The following ASPM variants were observed in gnomAD, a reference collection of about 807,000 sequenced individuals.
ASPM encodes assembly factor for spindle microtubules.
Under a neutral mutation model 366.4 loss-of-function variants are expected in ASPM, and 256 were observed. That is an observed-to-expected ratio of 0.70 (90% CI 0.63 to 0.77). ASPM has a LOEUF of 0.77. Among genes scored for constraint, ASPM ranks in the 30% least tolerant of loss-of-function variants. The pLI, the probability that ASPM is intolerant of heterozygous loss-of-function variation, is 0.00. For missense variants in ASPM, 4,146 were observed against 4,090.4 expected, an observed-to-expected ratio of 1.01 and a Z score of -0.37; for synonymous variants, 1,414 against 1,342.9, an observed-to-expected ratio of 1.05 and a Z score of -1.16.
intron 26 of ASPM, among the ~76,000 whole-genome samples, chr1:197,087,809 A>C (rs1414101637): frequency 1.3e-5 from 2 of 152,090 alleles, no homozygotes; most frequent in Non-Finnish European, 2.9e-5. Context: ...CCCTTGCTTT[A>C]CCCTGCAGCG....
Position 197,102,693 on chromosome 1 carries a change from A to G in ASPM, c.6558T>C (p.Leu2186=). ...SFRGVRVRRT[L]RKMQTAATLI... is the part of the protein sequence containing the mutation. Reference sequence around the variant, plus strand: ...GTGTTGCTGCAGTCTGCATCTTTCTAAGAGTCCGTCTAACTCTTACTCCTC... The same window carrying G: ...GTGTTGCTGCAGTCTGCATCTTTCTGAGAGTCCGTCTAACTCTTACTCCTC... The change falls in exon 18 of 28, where the codon CTT becomes CTC. Residue 2186 remains leucine (L), a synonymous_variant. Coordinates refer to ENST00000367409, the MANE Select transcript of ASPM (RefSeq NM_018136.5). The G allele has an allele frequency of 6.2e-7, 1 of 1,612,674 alleles. No homozygotes were observed. Among genetic ancestry groups the G allele is most frequent in the Non-Finnish European group, 8.5e-7 (1 of 1,179,300 alleles).
At chr1:197,096,230 AT>A in intron 18 of ASPM, 66 bp from the exon 19 acceptor site, 2 of 1,356,078 alleles carry the variant, frequency 1.5e-6, no homozygotes, top group Middle Eastern at 2.0e-4. Flanking sequence ...AATAAGACAA[AT>A]CAGTATAAAG....
At chr1:197,122,787 T>C (rs985984185) in intron 13 of ASPM, among the ~76,000 whole-genome samples, 192 bp from the exon 14 acceptor site, 2 of 152,172 alleles carry the variant, frequency 1.3e-5, no homozygotes, top group African/African-American at 4.8e-5. Flanking sequence ...TAGAACTTTA[T>C]GTGAGAGCAT....
At chr1:197,086,656 T>C in intron 27 of ASPM, 147 bp downstream of exon 27, 1 of 751,980 alleles carries the variant, frequency 1.3e-6, no homozygotes, top group Non-Finnish European at 2.3e-6. Flanking sequence ...GACTGCTTCT[T>C]TTAAATTTAC....
chr1:197,112,581 T>A (rs1288196645), intron 17 of ASPM, among the ~76,000 whole-genome samples: 6 of 152,148 alleles, frequency 3.9e-5, no homozygotes, highest in Non-Finnish European at 8.8e-5. Context: ...TCTATTCAGC[T>A]ACCCCTGTGC....
intron 13 of ASPM, among the ~76,000 whole-genome samples, chr1:197,122,798 G>T (rs978635808): frequency 6.6e-6 from 1 of 152,100 alleles, no homozygotes; most frequent in African/African-American, 2.4e-5. Context: ...GTGAGAGCAT[G>T]GCACATCCAA....
intron 17 of ASPM, among the ~76,000 whole-genome samples, chr1:197,109,326 TAAAA>T (rs1234502474): frequency 1.3e-5 from 2 of 152,058 alleles, no homozygotes; most frequent in Non-Finnish European, 2.9e-5. Flanking sequence ...TCAATGCATA[TAAAA>T]AATACATAAC....
chr1:197,100,676 G>A lies in ASPM; in HGVS notation c.8575C>T (p.Gln2859Ter). Residue 2859 changes from glutamine (Q) to a stop codon, truncating the protein, a stop_gained, in exon 18 of 28, where the codon CAG (glutamine) becomes TAG (stop). Coordinates refer to ENST00000367409, the MANE Select transcript of ASPM (RefSeq NM_018136.5). LOFTEE classifies it high-confidence loss of function. ...MAVYRRRFVQ[Q>*]KRAAITLQHY... ...TGTAAAGTGATAGCAGCTCTTTTCT[G>A]CTGAACAAATCTTCTCCGATACACA... 6.2e-7 allele frequency: 1 copy of A among 1,612,276 alleles called. No individual in the cohort carries two copies. Among genetic ancestry groups the A allele is most frequent in the Non-Finnish European group, 8.5e-7 (1 of 1,178,990 alleles).
At chr1:197,123,983 G>T in intron 13 of ASPM, 127 bp downstream of exon 13, 2 of 752,712 alleles carry the variant, frequency 2.7e-6, no homozygotes, top group Non-Finnish European at 4.4e-6. Context: ...TCACTCATTT[G>T]AGGGAAAGTT....
At chr1:197,097,824 T>A (rs1657026349) in intron 18 of ASPM, among the ~76,000 whole-genome samples, 2 of 151,602 alleles carry the variant, frequency 1.3e-5, no homozygotes, top group Non-Finnish European at 1.5e-5. Context: ...TTTTGGTGTT[T>A]TTGTTTTTGT....
At chr1:197,119,713 T>C (rs1005789389) in intron 16 of ASPM, among the ~76,000 whole-genome samples, 1 of 152,078 alleles carries the variant, frequency 6.6e-6, no homozygotes, top group African/African-American at 2.4e-5. Flanking sequence ...AGGGCCAAAT[T>C]CTAGGACTTC....
chr1:197,091,817 C>T (rs2125088841), intron 22 of ASPM, 90 bp downstream of exon 22: 1 of 1,359,864 alleles, frequency 7.4e-7, no homozygotes, highest in East Asian at 2.4e-5. Context: ...ACGACCTTAG[C>T]ATAAAGCATT....
In ASPM at chr1:197,104,642, T is replaced by C; in HGVS notation, c.4609A>G (p.Lys1537Glu). ...TGTAATTGAATGGCTGCAGCTCGTT[T>C]CTGCAAATAGTTGGTGCGCTCAATC... The part of the protein sequence containing the change: ...GKIERTNYLQ[K>E]RAAAIQLQAA... The change falls in exon 18 of 28, where the codon AAA becomes GAA. Residue 1537 changes from lysine (K) to glutamate (E), a missense_variant. This residue lies in a region of ASPM where 3,624 missense variants were observed against 3,591.7 expected (regional missense o/e 1.01). Coordinates refer to ENST00000367409, the MANE Select transcript of ASPM (RefSeq NM_018136.5). 1 of 1,613,126 alleles carries C rather than the reference T, an allele frequency of 6.2e-7. No homozygotes were observed. The highest frequency in any genetic ancestry group is 1.3e-5 in the African/African-American group (1 of 74,974).
At position 197,122,485 on chromosome 1, in the gene ASPM, T is replaced by C. The variant is rs762637790; in HGVS notation, c.3501A>G (p.Gln1167=). ...AACCAGTTTGCGTACATTCCACAGT[T>C]TGAGTAGTACGCTGACATATAGCGT... ...PFDAICQRTT[Q]TVECTQTGSV... The change falls in exon 14 of 28, where the codon CAA becomes CAG. Residue 1167 remains glutamine (Q), a synonymous_variant. Transcript: ENST00000367409. 3.1e-6 allele frequency: 5 copies of C among 1,613,722 alleles called. No individual in the cohort carries two copies. The highest frequency in any genetic ancestry group is 3.4e-6 in the Non-Finnish European group (4 of 1,179,780).
chr1:197,099,515 A>G (rs1657087906), intron 18 of ASPM, among the ~76,000 whole-genome samples: 4 of 151,624 alleles, frequency 2.6e-5, no homozygotes, highest in Admixed American at 1.3e-4. Flanking sequence ...TCACTCTGGG[A>G]AGTCTCTGAC....
chr1:197,138,664 A>G (rs1184629603), intron 4 of ASPM: 1 of 554,888 alleles, frequency 1.8e-6, no homozygotes, highest in Non-Finnish European at 3.2e-6. Context: ...AAGAACTTCA[A>G]TCAGATTTAA....
intron 9 of ASPM, among the ~76,000 whole-genome samples, 177 bp downstream of exon 9, chr1:197,129,010 A>C (rs1006213128): frequency 6.6e-6 from 1 of 152,130 alleles, no homozygotes; most frequent in Non-Finnish European, 1.5e-5. Context: ...AACCAATAAA[A>C]ACGAGGGATG....
In ASPM at chr1:197,103,374, C is replaced by T. The variant is rs757782960; in HGVS notation, c.5877G>A (p.Lys1959=). 1 of 1,613,252 alleles carries T rather than the reference C, an allele frequency of 6.2e-7. No homozygotes were observed. The highest frequency in any genetic ancestry group is 1.7e-5 in the Admixed American group (1 of 59,900). The change falls in exon 18 of 28, where the codon AAG becomes AAA. Residue 1959 remains lysine, a synonymous_variant. Coordinates refer to ENST00000367409, the MANE Select transcript of ASPM (RefSeq NM_018136.5). ...GAAGCTGTCTTCTCAGTGTTTTTCC[C>T]TTCCACATAGATTGAAGCACCAGTA... ...HAVLVLQSMW[K]GKTLRRQLQR...
intron 13 of ASPM, among the ~76,000 whole-genome samples, chr1:197,123,321 A>C (rs1657975987): frequency 6.6e-6 from 1 of 152,100 alleles, no homozygotes. Context: ...AAAGAGCACC[A>C]CCTTGTTTGA....
Sources: allele counts gnomAD v4.1 joint callset (sites outside exome capture counted in the v4.1 genomes callset), GRCh38; gene constraint gnomAD v4.1.1; regional missense constraint gnomAD v4.1.1; transcripts MANE v1.5; gene names NCBI Gene and HGNC (gene_info 2026-07-23, HGNC 2026-07-21).